Variants in NPAS3 observed in about 807,000 individuals in gnomAD.
NPAS3 encodes neuronal PAS domain-containing protein 3.
In NPAS3, 14 loss-of-function variants were observed where a neutral mutation model predicts 73.1. The ratio of observed to expected loss-of-function variants is 0.19; its 90% confidence interval spans 0.13 to 0.30. The LOEUF (loss-of-function observed/expected upper bound fraction) is 0.30. Ranked by LOEUF, NPAS3 falls within the 10% of genes least tolerant of loss-of-function variation. NPAS3 has a pLI of 1.00. For synonymous variants in NPAS3, 620 were observed against 541.5 expected (o/e 1.14, Z -2.01); for missense variants, 1,096 against 1,250.0 (o/e 0.88, Z 1.86).
At chr14:32,997,248 T>C (rs372127692) in intron 1 of NPAS3, among the ~76,000 whole-genome samples, 67 of 152,222 alleles carry the variant, frequency 4.4e-4, no homozygotes, top group African/African-American at 1.6e-3. Context: ...GTAACTAACT[T>C]GCTTTTGATT....
intron 4 of NPAS3, among the ~76,000 whole-genome samples, chr14:33,538,903 CAT>C (rs1170741520): frequency 1.3e-5 from 2 of 152,186 alleles, no homozygotes; most frequent in Non-Finnish European, 2.9e-5. Flanking sequence ...ACAAATCTGT[CAT>C]AGAGTCACAT....
chr14:33,411,924 C>G (rs186211405), intron 4 of NPAS3, among the ~76,000 whole-genome samples: 1 of 152,248 alleles, frequency 6.6e-6, no homozygotes, highest in Admixed American at 6.5e-5. Context: ...ACTTTCATGG[C>G]AGGCCACCAG....
At chr14:33,309,337 C>T (rs2042909237) in intron 3 of NPAS3, among the ~76,000 whole-genome samples, 1 of 152,168 alleles carries the variant, frequency 6.6e-6, no homozygotes, top group African/African-American at 2.4e-5. Context: ...AGCCCCTCAG[C>T]TTTCACAAGC....
intron 4 of NPAS3, among the ~76,000 whole-genome samples, chr14:33,474,676 G>A (rs10142100): frequency 6.6e-6 from 1 of 152,108 alleles, no homozygotes; most frequent in Non-Finnish European, 1.5e-5. Context: ...GAGGGATAAA[G>A]AGAAGGGTAT....
At chr14:33,696,438 A>G (rs1388165727) in intron 6 of NPAS3, among the ~76,000 whole-genome samples, 1 of 152,238 alleles carries the variant, frequency 6.6e-6, no homozygotes, top group Non-Finnish European at 1.5e-5. Context: ...ATCGAAAGAC[A>G]TAATAAACAC....
chr14:33,452,462 GT>G (rs2049836797), intron 4 of NPAS3, among the ~76,000 whole-genome samples: 1 of 152,072 alleles, frequency 6.6e-6, no homozygotes, highest in African/African-American at 2.4e-5. Flanking sequence ...AGAAGAAAGA[GT>G]ACATAGAGAC....
intron 3 of NPAS3, among the ~76,000 whole-genome samples, chr14:33,324,352 C>T (rs557984973): frequency 6.6e-6 from 1 of 152,208 alleles, no homozygotes; most frequent in South Asian, 2.1e-4. Flanking sequence ...TGCCAATTTC[C>T]CATTAAATGA....
intron 6 of NPAS3, among the ~76,000 whole-genome samples, chr14:33,697,405 C>T (rs2060413763): frequency 5.9e-5 from 9 of 152,120 alleles, no homozygotes; most frequent in Admixed American, 5.9e-4. Flanking sequence ...TAAGCTGAAC[C>T]GGTTTTGAAT....
chr14:33,249,152 T>G (rs2048489096), intron 3 of NPAS3, among the ~76,000 whole-genome samples: 1 of 152,148 alleles, frequency 6.6e-6, no homozygotes, highest in Admixed American at 6.6e-5. Flanking sequence ...TTTCGAAGAT[T>G]AGAACAGTAC....
intron 1 of NPAS3, among the ~76,000 whole-genome samples, chr14:33,001,019 C>T (rs2038786203): frequency 6.6e-6 from 1 of 152,148 alleles, no homozygotes; most frequent in African/African-American, 2.4e-5. Context: ...CTAGAGTAGG[C>T]TAACTGCTGT....
At chr14:33,651,113 G>C (rs2058980691) in intron 5 of NPAS3, among the ~76,000 whole-genome samples, 1 of 152,214 alleles carries the variant, frequency 6.6e-6, no homozygotes, top group Non-Finnish European at 1.5e-5. Context: ...GCCTCTTTGA[G>C]ACTTTGTTCA....
At chr14:33,653,415 C>A (rs2059056651) in intron 5 of NPAS3, among the ~76,000 whole-genome samples, 1 of 152,204 alleles carries the variant, frequency 6.6e-6, no homozygotes, top group African/African-American at 2.4e-5. Flanking sequence ...TTCTTGGCAG[C>A]ATGTTTTTAT....
rs527393961 is a variant in NPAS3 at position 33,512,552 on chromosome 14, A to G, written c.469-47569A>G. The stretch of plus-strand genomic sequence containing the variant: ...CATGGCATTTGTGGAAAACAATTTA[A>G]TGGGGTCCCTGAGCAGCTACAGGAT... On this transcript the variant is annotated intron_variant, in intron 4 of 11. Transcript: ENST00000356141. Among the ~76,000 whole-genome samples the G allele has an allele frequency of 2.6e-5, 4 of 152,200 alleles. No homozygotes were observed. In the East Asian group the frequency reaches 5.8e-4, roughly 22 times the overall value.
At chr14:33,474,283 A>C (rs2050918016) in intron 4 of NPAS3, among the ~76,000 whole-genome samples, 2 of 152,200 alleles carry the variant, frequency 1.3e-5, no homozygotes, top group Admixed American at 1.3e-4. Context: ...ACTGAGTAGA[A>C]GTTTGACCAT....
chr14:33,694,389 A>T (rs2060316844), intron 6 of NPAS3, among the ~76,000 whole-genome samples: 1 of 152,144 alleles, frequency 6.6e-6, no homozygotes, highest in Admixed American at 6.6e-5. Flanking sequence ...ATGACAGCCA[A>T]AAAGCCCCCC....
intron 5 of NPAS3, among the ~76,000 whole-genome samples, chr14:33,570,248 G>C (rs1466057083): frequency 6.6e-6 from 1 of 152,200 alleles, no homozygotes; most frequent in Non-Finnish European, 1.5e-5. Context: ...AGTAAGCACA[G>C]ATCTCCTTAG....
In NPAS3 at chr14:33,735,207, TC is replaced by T; in HGVS notation, c.734-5del. 1 of 1,601,378 alleles carries T rather than the reference TC, an allele frequency of 6.2e-7. No homozygotes were observed. Among genetic ancestry groups the T allele is most frequent in the South Asian group, 1.1e-5 (1 of 90,800 alleles). On this transcript the variant is annotated splice_polypyrimidine_tract_variant and splice_region_variant and intron_variant, in intron 6 of 11. Transcript: ENST00000356141. ...ATCGTGTGTGTCTGTATTTTTGTATTCCTCAGTGGAGTCAACCAGCCCCAGT... is the reference window on the plus strand; with the variant it reads ...ATCGTGTGTGTCTGTATTTTTGTATTCTCAGTGGAGTCAACCAGCCCCAGT...
chr14:33,241,433 T>C (rs548740118), intron 3 of NPAS3, among the ~76,000 whole-genome samples: 4 of 152,070 alleles, frequency 2.6e-5, no homozygotes, highest in Non-Finnish European at 5.9e-5. Context: ...CCCAACAATA[T>C]TGGGTCCACT....
At chr14:33,340,131 G>C (rs1454235972) in intron 3 of NPAS3, among the ~76,000 whole-genome samples, 1 of 152,186 alleles carries the variant, frequency 6.6e-6, no homozygotes, top group South Asian at 2.1e-4. Context: ...TTATTACACA[G>C]AGTGAGCTTA....
Sources: gnomAD v4.1 joint callset for allele counts (sites outside exome capture counted in the v4.1 genomes callset) on GRCh38, gnomAD v4.1.1 for gene constraint, MANE v1.5 for transcripts, NCBI Gene and HGNC (gene_info 2026-07-23, HGNC 2026-07-21) for gene names.